The following N4BP2 variants were observed in gnomAD, a reference collection of about 807,000 sequenced individuals.
N4BP2 encodes the protein NEDD4-binding protein 2.
N4BP2 carries 91 observed loss-of-function variants against 152.8 expected under a neutral mutation model. The ratio of observed to expected loss-of-function variants is 0.60; its 90% CI spans 0.50 to 0.71. The LOEUF is 0.71. Ranked by LOEUF, N4BP2 falls within the 30% of genes least tolerant of loss-of-function variation. The pLI, the probability that N4BP2 is intolerant of heterozygous loss-of-function variation, is 0.00. For synonymous variants in N4BP2, 646 were observed against 705.3 expected, an observed-to-expected ratio of 0.92 and a Z score of 1.33; for missense variants, 1,923 against 2,059.1, an observed-to-expected ratio of 0.93 and a Z score of 1.28.
At chr4:40,136,909 T>G (rs752345680) in intron 13 of N4BP2, 35 bp from the exon 14 acceptor site, 8 of 1,501,762 alleles carry the variant, frequency 5.3e-6, no homozygotes, top group African/African-American at 1.4e-5. Flanking sequence ...TATTTTCATT[T>G]ATTGACATTA....
In N4BP2 at chr4:40,131,866, G is replaced by C. The variant is rs1015953722; in HGVS notation, c.4593G>C (p.Lys1531Asn). 1.1e-5 allele frequency: 17 copies of C among 1,613,696 alleles called. No individual in the cohort carries two copies. Among genetic ancestry groups the C allele is most frequent in the Non-Finnish European group, 1.4e-5 (17 of 1,179,780 alleles). Residue 1531 changes from lysine (K) to asparagine (N), a missense_variant, in exon 13 of 18, where the codon AAG becomes AAC. By Grantham distance (94) the Lys-to-Asn change is moderately conservative. Transcript: ENST00000261435. ...AACTAAAGGAGAAGCAGCTCTTTAA[G>C]ATATTTCCAGCCATTAACCAAAATT... ...ATKLKEKQLF[K>N]IFPAINQNFL...
At chr4:40,062,471 A>T (rs1733739394) in intron 1 of N4BP2, among the ~76,000 whole-genome samples, 1 of 150,714 alleles carries the variant, frequency 6.6e-6, no homozygotes, top group Non-Finnish European at 1.5e-5. Flanking sequence ...CATTTTTCCC[A>T]CTGTAGCTAG....
chr4:40,137,128 A>G (rs777468510), intron 14 of N4BP2, 46 bp downstream of exon 14: 13 of 1,413,338 alleles, frequency 9.2e-6, no homozygotes, highest in African/African-American at 2.9e-5. Flanking sequence ...ATAATTGCAT[A>G]TAAAAATATA....
At chr4:40,140,687 T>C (rs1198034514) in intron 14 of N4BP2, among the ~76,000 whole-genome samples, 1,005 of 123,380 alleles carry the variant, frequency 8.1e-3, no homozygotes, top group South Asian at 0.017. Context: ...GGTCAGCAGA[T>C]AAACAAGTGA....
intron 14 of N4BP2, among the ~76,000 whole-genome samples, chr4:40,141,507 C>T (rs1304021259): frequency 6.6e-6 from 1 of 150,716 alleles, no homozygotes; most frequent in Non-Finnish European, 1.5e-5. Flanking sequence ...GGCAGAGGCG[C>T]TCCTCACTTC....
At position 40,155,768 on chromosome 4, in the gene N4BP2, T is replaced by C. The variant is rs992354654; in HGVS notation, c.*1531T>C. 1.3e-5 allele frequency: 2 copies of C among 152,158 alleles called. No individual in the cohort carries two copies. The highest frequency in any genetic ancestry group is 4.8e-5 in the African/African-American group (2 of 41,448). 9.4% of individuals were successfully genotyped at this position (152,158 alleles called of 1,614,324 possible). ...AGCTGGTACCAAAAGAATCCTAAAG[T>C]ACAGAATGGTTTTCCAAAAGAGCAG... On this transcript the variant is annotated 3_prime_UTR_variant, in exon 18 of 18. Transcript: ENST00000261435.
At chr4:40,093,752 G>A (rs942985333) in intron 2 of N4BP2, among the ~76,000 whole-genome samples, 6 of 152,102 alleles carry the variant, frequency 3.9e-5, no homozygotes, top group Non-Finnish European at 8.8e-5. Context: ...CAGTGCGCGT[G>A]CCAGCGCTCC....
intron 1 of N4BP2, among the ~76,000 whole-genome samples, chr4:40,072,404 C>CAT (rs1712294596): frequency 6.6e-6 from 1 of 151,924 alleles, no homozygotes; most frequent in Non-Finnish European, 1.5e-5. Context: ...TGCCACCATG[C>CAT]CCAGCTAATT....
the N4BP2 span, among the ~76,000 whole-genome samples, chr4:40,185,057 C>T: frequency 4.6e-5 from 7 of 152,034 alleles, no homozygotes; most frequent in African/African-American, 1.7e-4. Flanking sequence ...ATAATAAATC[C>T]ATGTCCCTTT....
chr4:40,081,879 A>G (rs937453418), intron 2 of N4BP2, among the ~76,000 whole-genome samples: 1 of 151,910 alleles, frequency 6.6e-6, no homozygotes, highest in African/African-American at 2.4e-5. Context: ...TTGAGAGGCC[A>G]AGGTGGGTGG....
rs144402576 is a variant in N4BP2, at chr4:40,088,858, G to T, written c.-114-8369G>T. Among the ~76,000 whole-genome samples the T allele has an allele frequency of 1.5e-3, 228 of 152,182 alleles. 1 individual carries two copies. The highest frequency in any genetic ancestry group is 5.1e-3 in the African/African-American group (212 of 41,524). ...TTAGTGATGTTGAACATCTTTTTAT[G>T]TACTTATTTGCCACCTGTATCTCCT... On this transcript the variant is annotated intron_variant, in intron 2 of 17. Coordinates refer to ENST00000261435, the MANE Select transcript of N4BP2 (RefSeq NM_018177.6).
intron 1 of N4BP2, among the ~76,000 whole-genome samples, chr4:40,065,983 T>A (rs1171968286): frequency 1.3e-5 from 2 of 151,802 alleles, no homozygotes; most frequent in East Asian, 3.9e-4. Context: ...CAGGCTGGAG[T>A]GCAGTGGCGT....
the N4BP2 span, among the ~76,000 whole-genome samples, chr4:40,168,640 A>G: frequency 6.6e-6 from 1 of 151,860 alleles, no homozygotes; most frequent in South Asian, 2.1e-4. Flanking sequence ...AAAATAGGAG[A>G]CCACAGAAAT....
intron 5 of N4BP2, among the ~76,000 whole-genome samples, chr4:40,108,335 C>T (rs921423013): frequency 6.0e-5 from 9 of 151,218 alleles, no homozygotes; most frequent in South Asian, 2.1e-4. Context: ...TTTTTTGAGA[C>T]GAAGTCTTGC....
At chr4:40,127,878 G>T (rs975033209) in intron 12 of N4BP2, among the ~76,000 whole-genome samples, 1 of 152,116 alleles carries the variant, frequency 6.6e-6, no homozygotes. Context: ...AGCCAGGATG[G>T]TCTTGATCTC....
chr4:40,185,723 T>A, the N4BP2 span, among the ~76,000 whole-genome samples: 1 of 152,190 alleles, frequency 6.6e-6, no homozygotes, highest in African/African-American at 2.4e-5. Flanking sequence ...TAATTTAAAA[T>A]GCCATGTAAG....
chr4:40,068,227 T>A lies in N4BP2; in HGVS notation c.-211-5228T>A, dbSNP rs1482745891. Among the ~76,000 whole-genome samples the A allele has an allele frequency of 2.0e-5, 3 of 152,344 alleles. No individual in the cohort carries two copies. In the East Asian group the frequency reaches 5.8e-4, roughly 29 times the overall value. ...ATGTATTCTAGATATTACCAACTTA[T>A]CAGATGTATGGTTTGCAAATATTTT... On this transcript the variant is annotated intron_variant, in intron 1 of 17. Transcript: ENST00000261435.
chr4:40,098,026 G>A (rs556075434), intron 3 of N4BP2, among the ~76,000 whole-genome samples: 53 of 152,260 alleles, frequency 3.5e-4, no homozygotes, highest in South Asian at 6.2e-4. Context: ...AGGCAAAATT[G>A]TACCTCGTTG....
At chr4:40,057,394 G>A (rs1560560772) in intron 1 of N4BP2, among the ~76,000 whole-genome samples, 1 of 152,224 alleles carries the variant, frequency 6.6e-6, no homozygotes, top group African/African-American at 2.4e-5. Context: ...TGTTCCCGCC[G>A]GGACCTGACC....
Sources: allele counts gnomAD v4.1 joint callset (sites outside exome capture counted in the v4.1 genomes callset), GRCh38; gene constraint gnomAD v4.1.1; transcripts MANE v1.5; gene names NCBI Gene and HGNC (gene_info 2026-07-23, HGNC 2026-07-21).